Variants in NFASC observed in about 807,000 individuals in gnomAD.
The protein encoded by NFASC is neurofascin homolog.
A neutral mutation model predicts 147.5 loss-of-function variants in NFASC; 43 were observed. The ratio of observed to expected loss-of-function variants is 0.29; its 90% CI spans 0.23 to 0.38. The LOEUF (loss-of-function observed/expected upper bound fraction) is 0.38, where lower values mean the gene tolerates loss of function less well. NFASC is among the 10% of genes least tolerant of loss of function. NFASC has a pLI of 1.00. For missense variants in NFASC, 1,320 were observed against 1,689.0 expected (o/e 0.78, Z 3.83); for synonymous variants, 622 against 665.5 (o/e 0.93, Z 1.01).
At chr1:204,944,582 T>C (rs943687659) in intron 3 of NFASC, among the ~76,000 whole-genome samples, 176 bp downstream of exon 3, 4 of 152,170 alleles carry the variant, frequency 2.6e-5, no homozygotes. Flanking sequence ...AGGCTCATGT[T>C]TGGAAGTTTG....
chr1:204,960,341 A>G (rs947352996), intron 8 of NFASC, among the ~76,000 whole-genome samples: 1 of 152,220 alleles, frequency 6.6e-6, no homozygotes, highest in African/African-American at 2.4e-5. Flanking sequence ...GCAGTCAAAG[A>G]TAAGCAGTGG....
chr1:204,833,603 G>A (rs1672864564), intron 1 of NFASC, among the ~76,000 whole-genome samples: 1 of 152,218 alleles, frequency 6.6e-6, no homozygotes, highest in Admixed American at 6.5e-5. Context: ...ATAGAAATGT[G>A]GTTCCTGCTT....
intron 2 of NFASC, among the ~76,000 whole-genome samples, chr1:204,943,069 A>G (rs1031891817): frequency 2.6e-5 from 4 of 152,182 alleles, no homozygotes; most frequent in Admixed American, 2.6e-4. Context: ...GTGGGCTTCA[A>G]TTTGCTGCCG....
chr1:204,867,673 A>G (rs938613710), intron 1 of NFASC, among the ~76,000 whole-genome samples: 2 of 152,102 alleles, frequency 1.3e-5, no homozygotes, highest in Non-Finnish European at 2.9e-5. Flanking sequence ...ACACACACAC[A>G]CGGCCAGAAC....
intron 1 of NFASC, among the ~76,000 whole-genome samples, chr1:204,852,694 C>G (rs1269570999): frequency 6.6e-6 from 1 of 152,190 alleles, no homozygotes; most frequent in Non-Finnish European, 1.5e-5. Flanking sequence ...CCCTTCCATC[C>G]TCTCCTACCA....
intron 24 of NFASC, among the ~76,000 whole-genome samples, chr1:204,992,187 A>G (rs1009164907): frequency 1.3e-5 from 2 of 152,160 alleles, no homozygotes; most frequent in African/African-American, 4.8e-5. Context: ...TCTGAGCCTG[A>G]ATTACATCAG....
intron 1 of NFASC, among the ~76,000 whole-genome samples, chr1:204,882,243 C>T (rs2080394621): frequency 6.6e-6 from 1 of 152,224 alleles, no homozygotes; most frequent in South Asian, 2.1e-4. Context: ...GCCATGCCTT[C>T]CTTCATGCTT....
chr1:204,835,823 G>A (rs1673628088), intron 1 of NFASC, among the ~76,000 whole-genome samples: 1 of 152,144 alleles, frequency 6.6e-6, no homozygotes, highest in Non-Finnish European at 1.5e-5. Flanking sequence ...AGGCCTTCTA[G>A]GATGGGAGAC....
chr1:204,882,942 G>A (rs2080564891), intron 1 of NFASC, among the ~76,000 whole-genome samples: 1 of 152,052 alleles, frequency 6.6e-6, no homozygotes, highest in African/African-American at 2.4e-5. Flanking sequence ...AGTCTGGGAG[G>A]TATTCTTTCC....
intron 2 of NFASC, among the ~76,000 whole-genome samples, chr1:204,922,986 A>G (rs1558112698): frequency 6.6e-6 from 1 of 152,092 alleles, no homozygotes. Flanking sequence ...GCCCATTATT[A>G]CCCGTGTTTT....
At chr1:204,859,712 C>G (rs74138641) in intron 1 of NFASC, among the ~76,000 whole-genome samples, 116 of 152,296 alleles carry the variant, frequency 7.6e-4, no homozygotes, top group African/African-American at 2.7e-3. Context: ...ATTCACTGCT[C>G]CCATAATTTA....
chr1:204,968,613 A>G lies in NFASC; in HGVS notation c.819-185A>G, dbSNP rs1463899841. 1.6e-6 allele frequency: 1 copy of G among 630,114 alleles called. No individual in the cohort carries two copies. Among genetic ancestry groups the G allele is most frequent in the East Asian group, 2.7e-5 (1 of 36,452 alleles). The allele number at this position is 630,114 out of a possible 1,614,324, so 39.0% of individuals were successfully genotyped here. On this transcript the variant is annotated intron_variant, in intron 9 of 29. Coordinates refer to ENST00000339876, the MANE Select transcript of NFASC (RefSeq NM_001005388.3). The surrounding 1 kb of genome is among the most constrained non-coding windows in gnomAD (Gnocchi z 5.4). The stretch of plus-strand genomic sequence containing the variant: ...ATGCGTTAGAATCTCGTGGGACCTT[A>G]GCTAAGCCTTCAGGCTCTCTGTGGC...
intron 1 of NFASC, among the ~76,000 whole-genome samples, chr1:204,834,597 C>T (rs1200417687): frequency 1.3e-5 from 2 of 152,186 alleles, no homozygotes; most frequent in African/African-American, 2.4e-5. Context: ...AGCCCCTCTC[C>T]CCGTTATTGT....
intron 1 of NFASC, among the ~76,000 whole-genome samples, chr1:204,863,617 A>AG (rs1373320594): frequency 2.0e-5 from 3 of 152,094 alleles, no homozygotes; most frequent in Admixed American, 6.6e-5. Context: ...TGGAAGGCCG[A>AG]GGGGGGTGGA....
At chr1:205,014,612 C>T (rs938428535) in intron 29 of NFASC, among the ~76,000 whole-genome samples, 2 of 152,160 alleles carry the variant, frequency 1.3e-5, no homozygotes, top group African/African-American at 4.8e-5. Context: ...ATTCTAGTTT[C>T]TTTCAAGCTT....
intron 11 of NFASC, 113 bp downstream of exon 11, chr1:204,970,860 C>T: frequency 7.5e-7 from 1 of 1,340,352 alleles, no homozygotes. Context: ...AAGAGAGAAG[C>T]CCACTGGTGG....
chr1:204,838,223 C>A (rs1674321248), intron 1 of NFASC, among the ~76,000 whole-genome samples: 1 of 152,170 alleles, frequency 6.6e-6, no homozygotes, highest in Non-Finnish European at 1.5e-5. Context: ...GCTAATATGA[C>A]TGAAGAATTG....
At chr1:204,912,540 A>G (rs938190271) in intron 1 of NFASC, among the ~76,000 whole-genome samples, 7 of 151,794 alleles carry the variant, frequency 4.6e-5, no homozygotes, top group African/African-American at 1.7e-4. Flanking sequence ...CTCTAAAACT[A>G]TAAATAATAA....
At chr1:204,920,502 C>T (rs2149436837) in intron 1 of NFASC, 130 bp from the exon 2 acceptor site, 1 of 332,004 alleles carries the variant, frequency 3.0e-6, no homozygotes, top group South Asian at 2.4e-5. Flanking sequence ...CTATGCAAAA[C>T]TTTACCAATG....
Sources: allele counts gnomAD v4.1 joint callset (sites outside exome capture counted in the v4.1 genomes callset), GRCh38; gene constraint gnomAD v4.1.1; non-coding constraint Gnocchi (gnomAD v3.1); transcripts MANE v1.5; gene names NCBI Gene and HGNC (gene_info 2026-07-23, HGNC 2026-07-21).